The following TTLL3 variants were observed in gnomAD, a reference collection of about 807,000 sequenced individuals.
TTLL3 encodes tubulin tyrosine ligase like 3.
A neutral mutation model predicts 75.2 loss-of-function variants in TTLL3; 63 were observed. The observed-to-expected ratio is 0.84, with a 90% confidence interval of 0.68 to 1.03. TTLL3 has a LOEUF of 1.03. Ranked by LOEUF, TTLL3 falls within the 50% of genes least tolerant of loss-of-function variation. TTLL3 has a pLI of 0.00. For missense variants in TTLL3, 997 were observed against 1,069.9 expected (o/e 0.93, Z 0.95); for synonymous variants, 393 against 418.5 (o/e 0.94, Z 0.74).
chr3:9,833,387 C>A, intron 12 of TTLL3, 142 bp downstream of exon 12: 2 of 1,330,678 alleles, frequency 1.5e-6, no homozygotes, highest in Non-Finnish European at 2.0e-6. Context: ...GCGAAAAGGG[C>A]CACAGCCCTG....
In TTLL3 at chr3:9,810,419, T is replaced by C. The variant is rs2079232853; in HGVS notation, c.-42+25T>C. ...GGTGAGGCCCGTGCGGCCCGCTCGC[T>C]CTGGCCTACAGCGGCTGCGAGGACG... On this transcript the variant is annotated intron_variant, in intron 1 of 13. Coordinates refer to ENST00000685419, the MANE Select transcript of TTLL3 (RefSeq NM_001387446.1). The surrounding 1 kb of genome is among the most constrained non-coding windows in gnomAD (Gnocchi z 4.4). The C allele has an allele frequency of 7.1e-7, 1 of 1,416,664 alleles. No individual in the cohort carries two copies. Among genetic ancestry groups the C allele is most frequent in the Non-Finnish European group, 9.2e-7 (1 of 1,091,628 alleles). 87.8% of individuals were successfully genotyped at this position (1,416,664 alleles called of 1,614,324 possible). A position where few individuals can be genotyped will look rare whatever the true frequency, so the allele number is the denominator to read the frequency against.
chr3:9,826,228 CAATTT>C (rs1205430853), intron 9 of TTLL3, among the ~76,000 whole-genome samples: 1 of 152,198 alleles, frequency 6.6e-6, no homozygotes, highest in African/African-American at 2.4e-5. Context: ...CAACGTGCTT[CAATTT>C]ATGCAATCCT....
chr3:9,827,577 A>C (rs2081164397), intron 10 of TTLL3: 1 of 273,720 alleles, frequency 3.7e-6, no homozygotes, highest in Non-Finnish European at 7.1e-6. Flanking sequence ...TAAGTTTTTT[A>C]ATGTAGACAT....
chr3:9,822,318 C>T (rs2080518945), intron 8 of TTLL3, among the ~76,000 whole-genome samples: 1 of 151,890 alleles, frequency 6.6e-6, no homozygotes, highest in African/African-American at 2.4e-5. Context: ...CCGCCCTCCT[C>T]AGCCTCCCAA....
chr3:9,813,057 C>G lies in TTLL3; in HGVS notation c.163C>G (p.Pro55Ala). ...VHRSGPTLLPPQKDLDSSAMG... is the reference protein window; with the variant it reads ...VHRSGPTLLPAQKDLDSSAMG... ...TCGCTCAGGCCCCACCCTGCTGCCA[C>G]CCCAGAAGGATCTGGATAGCTCAGC... Residue 55 changes from proline (P) to alanine (A), a missense_variant, in exon 3 of 14, where the codon CCC becomes GCC. Coordinates refer to ENST00000685419, the MANE Select transcript of TTLL3 (RefSeq NM_001387446.1). The G allele has an allele frequency of 6.3e-7, 1 of 1,588,010 alleles. No individual in the cohort carries two copies. Among genetic ancestry groups the G allele is most frequent in the Non-Finnish European group, 8.6e-7 (1 of 1,164,882 alleles).
chr3:9,820,069 C>T lies in TTLL3; in HGVS notation c.659-477C>T, dbSNP rs1017429804. 94 of 993,530 alleles carry T rather than the reference C, an allele frequency of 9.5e-5. No individual in the cohort carries two copies. In the Middle Eastern group the frequency reaches 1.6e-3, roughly 16 times the overall value. 61.5% of individuals were successfully genotyped at this position (993,530 alleles called of 1,614,324 possible). A position where few individuals can be genotyped will look rare whatever the true frequency, so the allele number is the denominator to read the frequency against. ...GGGCCTTGTGCAGTAACAGTGCACA[C>T]AGAAGTTAGTGTTTCTGTGGGCTAA... On this transcript the variant is annotated intron_variant, in intron 7 of 13. Coordinates refer to ENST00000685419, the MANE Select transcript of TTLL3 (RefSeq NM_001387446.1).
At chr3:9,834,534 A>T in intron 12 of TTLL3, 147 bp from the exon 13 acceptor site, 2 of 1,287,666 alleles carry the variant, frequency 1.6e-6, no homozygotes, top group Non-Finnish European at 2.2e-6. Context: ...TTTTCTTCTC[A>T]CTGCCTCTGG....
At chr3:9,820,486 G>T (rs1035476949) in intron 7 of TTLL3, 60 bp from the exon 8 acceptor site, 11 of 1,596,788 alleles carry the variant, frequency 6.9e-6, no homozygotes, top group Non-Finnish European at 9.4e-6. Context: ...TGGGGGCTGT[G>T]GCATGCGTCA....
chr3:9,827,215 C>G lies in TTLL3; in HGVS notation c.1222C>G (p.Pro408Ala). ...CAGCTATATCCGCTTTTCCACGCAG[C>G]CCTTCTCCCTGAAGAACCTGGACAA... ...RDSYIRFSTQ[P>A]FSLKNLDNSV... The change falls in exon 10 of 14, where the codon CCC becomes GCC. Residue 408 changes from proline to alanine, a missense_variant. Transcript: ENST00000685419. 2 of 1,614,170 alleles carry G rather than the reference C, an allele frequency of 1.2e-6. No homozygotes were observed. The highest frequency in any genetic ancestry group is 2.7e-5 in the African/African-American group (2 of 75,074).
intron 9 of TTLL3, among the ~76,000 whole-genome samples, chr3:9,826,239 A>G (rs530926804): frequency 5.3e-5 from 8 of 152,320 alleles, no homozygotes; most frequent in Non-Finnish European, 1.0e-4. Context: ...AATTTATGCA[A>G]TCCTGGGAAA....
chr3:9,812,788 A>C, intron 2 of TTLL3, 155 bp from the exon 3 acceptor site: 1 of 865,620 alleles, frequency 1.2e-6, no homozygotes, highest in Non-Finnish European at 1.6e-6. Flanking sequence ...ATGCATATTT[A>C]TTTCTCTACT....
In TTLL3 at chr3:9,820,736, G is replaced by C; in HGVS notation, c.849G>C (p.Val283=). The C allele has an allele frequency of 1.2e-6, 2 of 1,613,958 alleles. No individual in the cohort carries two copies. The highest frequency in any genetic ancestry group is 1.7e-6 in the Non-Finnish European group (2 of 1,179,988). Reference sequence around the variant, plus strand: ...TCTTCCTCCAGCGCTACTACCAAGTGGTCCAGTGAGTCCCCTGCAGCTGGG... The same window carrying C: ...TCTTCCTCCAGCGCTACTACCAAGTCGTCCAGTGAGTCCCCTGCAGCTGGG... ...WSLFLQRYYQ[V]VHEGAELRHL... Residue 283 remains valine (V), a synonymous_variant, in exon 8 of 14, where the codon GTG becomes GTC. Transcript: ENST00000685419.
At chr3:9,830,745 C>T (rs188582615) in intron 11 of TTLL3, among the ~76,000 whole-genome samples, 27 of 152,246 alleles carry the variant, frequency 1.8e-4, no homozygotes, top group Admixed American at 1.7e-3. Context: ...CAGAGATTGA[C>T]CCAAAATGTC....
At chr3:9,818,787 G>A (rs1360332352) in intron 6 of TTLL3, 35 bp from the exon 7 acceptor site, 5 of 1,613,828 alleles carry the variant, frequency 3.1e-6, no homozygotes, top group Non-Finnish European at 4.2e-6. Flanking sequence ...CTCAAGCCTA[G>A]GGGCTGAGCA....
chr3:9,829,623 A>G (rs2081344237), intron 11 of TTLL3, among the ~76,000 whole-genome samples: 1 of 152,162 alleles, frequency 6.6e-6, no homozygotes, highest in Non-Finnish European at 1.5e-5. Context: ...GAATTCATGT[A>G]TGAGGATAAT....
At chr3:9,822,002 C>CAAA (rs1197157115) in intron 8 of TTLL3, among the ~76,000 whole-genome samples, 5 of 50,044 alleles carry the variant, frequency 1.0e-4, no homozygotes, top group Non-Finnish European at 1.6e-4. Context: ...GACTCCGTCT[C>CAAA]AAAAAAAAAA....
Position 9,826,420 on chromosome 3 carries a change from G to A in TTLL3, c.1003+472G>A, listed in dbSNP as rs550320449. On this transcript the variant is annotated intron_variant, in intron 9 of 13. Transcript: ENST00000685419. ...TTTATTATTGGTAGGAACGTAATAGGTGCACATACTTTAAAAAAGCCCCCA... is the reference window on the plus strand; with the variant it reads ...TTTATTATTGGTAGGAACGTAATAGATGCACATACTTTAAAAAAGCCCCCA... Among the ~76,000 whole-genome samples, 3 of 152,158 alleles carry A rather than the reference G, an allele frequency of 2.0e-5. No homozygotes were observed. In the East Asian group the frequency reaches 5.8e-4, roughly 29 times the overall value.
At position 9,810,362 on chromosome 3, in the gene TTLL3, A is replaced by G; in HGVS notation, c.-74A>G. On this transcript the variant is annotated 5_prime_UTR_variant, in exon 1 of 14. Coordinates refer to ENST00000685419, the MANE Select transcript of TTLL3 (RefSeq NM_001387446.1). The surrounding 1 kb of genome is among the most constrained non-coding windows in gnomAD (Gnocchi z 4.4). ...GATACCCACCCCCTCGGCCCCCCGC[A>G]CACCCCGGTCCTCGACCCCTCTCCG... is the stretch of plus-strand genomic sequence containing the variant. 7.4e-7 allele frequency: 1 copy of G among 1,348,802 alleles called. No homozygotes were observed. Among genetic ancestry groups the G allele is most frequent in the South Asian group, 1.5e-5 (1 of 65,772 alleles). 83.6% of individuals were successfully genotyped at this position (1,348,802 alleles called of 1,614,324 possible). A position where few individuals can be genotyped will look rare whatever the true frequency, so the allele number is the denominator to read the frequency against.
chr3:9,817,576 T>C, intron 5 of TTLL3, 69 bp from the exon 6 acceptor site: 1 of 1,610,756 alleles, frequency 6.2e-7, no homozygotes. Context: ...TCAGAGTCTT[T>C]CTGAACTGTC....
Sources: gnomAD v4.1 joint callset for allele counts (sites outside exome capture counted in the v4.1 genomes callset) on GRCh38, gnomAD v4.1.1 for gene constraint, Gnocchi (gnomAD v3.1) non-coding constraint, MANE v1.5 for transcripts, NCBI Gene and HGNC (gene_info 2026-07-23, HGNC 2026-07-21) for gene names.